Variants in TRPC7 observed in about 807,000 individuals in gnomAD.
TRPC7 encodes the protein transient receptor potential cation channel subfamily C member 7.
Under a neutral mutation model 90.1 loss-of-function variants are expected in TRPC7, and 42 were observed. That is an observed-to-expected ratio of 0.47 (90% CI 0.36 to 0.60). The LOEUF is 0.60. Among genes scored for constraint, TRPC7 ranks in the 20% least tolerant of loss-of-function variants. The pLI is 0.00. For synonymous variants in TRPC7, 451 were observed against 436.3 expected (o/e 1.03, Z -0.42); for missense variants, 955 against 1,112.3 (o/e 0.86, Z 2.01).
intron 5 of TRPC7, among the ~76,000 whole-genome samples, chr5:136,252,890 T>C (rs996443032): frequency 1.3e-5 from 2 of 152,166 alleles, no homozygotes; most frequent in African/African-American, 4.8e-5. Context: ...GGCCCAGGGG[T>C]TGGGGACCGC....
At chr5:136,284,457 C>T (rs1476366172) in intron 3 of TRPC7, among the ~76,000 whole-genome samples, 7 of 152,176 alleles carry the variant, frequency 4.6e-5, no homozygotes, top group African/African-American at 1.2e-4. Flanking sequence ...AAAACTGAAT[C>T]CCACTGGATA....
chr5:136,222,157 A>G (rs1181334848), intron 10 of TRPC7: 5 of 113,726 alleles, frequency 4.4e-5, no homozygotes, highest in African/African-American at 7.2e-5. Flanking sequence ...GAGCCTAAGG[A>G]AAAAAAAAAC....
chr5:136,356,346 C>T (rs1223728026), intron 2 of TRPC7, among the ~76,000 whole-genome samples: 1 of 152,224 alleles, frequency 6.6e-6, no homozygotes, highest in Non-Finnish European at 1.5e-5. Context: ...TGCCTGCACT[C>T]GCCTGTCTTT....
At chr5:136,269,998 A>G (rs1449472648) in intron 4 of TRPC7, among the ~76,000 whole-genome samples, 1 of 152,242 alleles carries the variant, frequency 6.6e-6, no homozygotes, top group Non-Finnish European at 1.5e-5. Context: ...CTCCGATGAA[A>G]GAAAAGGAAG....
At chr5:136,318,064 A>T (rs1759083342) in intron 2 of TRPC7, among the ~76,000 whole-genome samples, 2 of 152,330 alleles carry the variant, frequency 1.3e-5, no homozygotes, top group Admixed American at 1.3e-4. Flanking sequence ...TGCTGTCTGC[A>T]GTTGGCTAGA....
At chr5:136,307,241 TTCTG>T (rs1442034133) in intron 3 of TRPC7, among the ~76,000 whole-genome samples, 1 of 152,202 alleles carries the variant, frequency 6.6e-6, no homozygotes, top group African/African-American at 2.4e-5. Context: ...AATCTATTCC[TTCTG>T]TCTCTCTGAA....
chr5:136,353,738 TG>T (rs1361667142), intron 2 of TRPC7, among the ~76,000 whole-genome samples: 2 of 152,190 alleles, frequency 1.3e-5, no homozygotes, highest in African/African-American at 4.8e-5. Context: ...GGTAACTAGG[TG>T]GATGTTAACA....
chr5:136,250,216 C>G (rs1414878969), intron 6 of TRPC7, among the ~76,000 whole-genome samples: 2 of 152,200 alleles, frequency 1.3e-5, no homozygotes, highest in Non-Finnish European at 2.9e-5. Flanking sequence ...CTACAAGACT[C>G]TCCATTTCTC....
chr5:136,350,949 C>G (rs1326233380), intron 2 of TRPC7, among the ~76,000 whole-genome samples: 1 of 152,200 alleles, frequency 6.6e-6, no homozygotes, highest in Non-Finnish European at 1.5e-5. Flanking sequence ...TGACCTTCCT[C>G]CCTACCAAAA....
At chr5:136,317,594 C>T (rs1759061816) in intron 2 of TRPC7, among the ~76,000 whole-genome samples, 1 of 152,198 alleles carries the variant, frequency 6.6e-6, no homozygotes, top group Non-Finnish European at 1.5e-5. Context: ...ACTCTGGCAT[C>T]TCCTCTGTGG....
At position 136,306,579 on chromosome 5, in the gene TRPC7, C is replaced by A. The variant is rs1025109087; in HGVS notation, c.963+9018G>T. Among the ~76,000 whole-genome samples, 6 of 152,058 alleles carry A rather than the reference C, an allele frequency of 3.9e-5. No homozygotes were observed. The East Asian group carries it at 7.7e-4, about 20-fold the overall frequency. On this transcript the variant is annotated intron_variant, in intron 3 of 11. Coordinates refer to ENST00000513104, the MANE Select transcript of TRPC7 (RefSeq NM_020389.3). ...AAGCAGGAATGTCAGGCCTCTGAAC[C>A]CAAGCCAAGCCATCGCATCCCCTGT...
intron 3 of TRPC7, among the ~76,000 whole-genome samples, chr5:136,304,283 C>T (rs2149833331): frequency 6.6e-6 from 1 of 152,172 alleles, no homozygotes. Flanking sequence ...ATCACCCTTA[C>T]CCCGCTCAAT....
intron 3 of TRPC7, among the ~76,000 whole-genome samples, chr5:136,307,761 T>C (rs1758691490): frequency 6.6e-6 from 1 of 152,160 alleles, no homozygotes; most frequent in African/African-American, 2.4e-5. Flanking sequence ...CAAGGAACTC[T>C]CTGGCCCAAA....
intron 10 of TRPC7, among the ~76,000 whole-genome samples, chr5:136,221,417 ACCCGGC>A (rs1217881494): frequency 6.6e-6 from 1 of 152,158 alleles, no homozygotes; most frequent in Non-Finnish European, 1.5e-5. Context: ...CACAGCCCAG[ACCCGGC>A]CCAAACTACA....
chr5:136,304,886 A>G (rs199680495), intron 3 of TRPC7, among the ~76,000 whole-genome samples: 19 of 149,406 alleles, frequency 1.3e-4, no homozygotes, highest in South Asian at 2.2e-4. Flanking sequence ...AAGAGCCAGG[A>G]CCGTACCCTG....
At position 136,251,887 on chromosome 5, in the gene TRPC7, G is replaced by GGGA. The variant is rs770787603; in HGVS notation, c.1346-8_1346-6dup. 7.4e-6 allele frequency: 12 copies of GGGA among 1,611,188 alleles called. No individual in the cohort carries two copies. The African/African-American group carries it at 1.3e-4, about 18-fold the overall frequency. Reference sequence around the variant, plus strand: ...TGCATTCGGACCAAATCATTCCTGTGGGAGAAGGAGAAGGCCAGGCTCACT... The same window carrying GGGA: ...TGCATTCGGACCAAATCATTCCTGTGGGAGGAGAAGGAGAAGGCCAGGCTCACT... On this transcript the variant is annotated splice_region_variant and splice_polypyrimidine_tract_variant and intron_variant, in intron 5 of 11. Coordinates refer to ENST00000513104, the MANE Select transcript of TRPC7 (RefSeq NM_020389.3).
At chr5:136,291,734 G>A (rs544585682) in intron 3 of TRPC7, among the ~76,000 whole-genome samples, 30 of 152,182 alleles carry the variant, frequency 2.0e-4, no homozygotes, top group African/African-American at 6.0e-4. Flanking sequence ...ACAGATCAAC[G>A]AGACAGAAAG....
chr5:136,284,196 G>C (rs1377551424), intron 3 of TRPC7, among the ~76,000 whole-genome samples: 2 of 152,178 alleles, frequency 1.3e-5, no homozygotes, highest in African/African-American at 4.8e-5. Flanking sequence ...TGTCAGATGA[G>C]GATATGAATA....
intron 7 of TRPC7, among the ~76,000 whole-genome samples, chr5:136,240,260 A>G (rs1756118628): frequency 6.6e-6 from 1 of 152,148 alleles, no homozygotes; most frequent in Non-Finnish European, 1.5e-5. Context: ...ACTGCCAGGT[A>G]GGGCTCAGTG....
Sources: allele counts gnomAD v4.1 joint callset (sites outside exome capture counted in the v4.1 genomes callset), GRCh38; gene constraint gnomAD v4.1.1; transcripts MANE v1.5; gene names NCBI Gene and HGNC (gene_info 2026-07-23, HGNC 2026-07-21).